The following CBR4 variants were observed in gnomAD, a reference collection of about 807,000 sequenced individuals.
CBR4 encodes the protein carbonyl reductase 4.
CBR4 carries 22 observed loss-of-function variants against 21.0 expected under a neutral mutation model. The ratio of observed to expected loss-of-function variants is 1.05; its 90% confidence interval spans 0.75 to 1.50. The LOEUF (loss-of-function observed/expected upper bound fraction) is 1.50, where lower values mean the gene tolerates loss of function less well. CBR4 is among the 40% of genes most tolerant of loss of function. The pLI is 0.00. For missense variants in CBR4, 302 were observed against 286.3 expected, an observed-to-expected ratio of 1.05 and a Z score of -0.40; for synonymous variants, 100 against 104.4, an observed-to-expected ratio of 0.96 and a Z score of 0.26.
chr4:168,987,367 C>G (rs187949577), downstream of CBR4, among the ~76,000 whole-genome samples: 2 of 152,314 alleles, frequency 1.3e-5, no homozygotes, highest in East Asian at 3.9e-4. Flanking sequence ...GAATATTTTA[C>G]TGCATATATC....
chr4:168,918,806 C>T (rs1170271428), intron 2 of CBR4, among the ~76,000 whole-genome samples: 1 of 152,006 alleles, frequency 6.6e-6, no homozygotes, highest in Non-Finnish European at 1.5e-5. Flanking sequence ...TTAAAAAACA[C>T]TTAAAAAAAT....
intron 2 of CBR4, among the ~76,000 whole-genome samples, chr4:168,971,783 C>G (rs867303049): frequency 6.6e-6 from 1 of 152,148 alleles, no homozygotes; most frequent in Non-Finnish European, 1.5e-5. Flanking sequence ...TGTGCAGAAG[C>G]TTTTTAGTTT....
chr4:168,958,429 T>G (rs1218806942), intron 2 of CBR4, among the ~76,000 whole-genome samples: 1 of 152,260 alleles, frequency 6.6e-6, no homozygotes, highest in African/African-American at 2.4e-5. Context: ...AATATTTTAT[T>G]GTATGGATAG....
rs761530979 is a variant in CBR4 at position 168,903,905 on chromosome 4, A to C, written n.170-9140T>G. ...TATACAATTATGGCTGCAAACCCTC[A>C]GGTAAAGAAGGGTATAGGTCTGGGC... On this transcript the variant is annotated intron_variant and non_coding_transcript_variant, in intron 2 of 3. Transcript: ENST00000509108. 1.2e-6 allele frequency: 2 copies of C among 1,613,738 alleles called. No homozygotes were observed. The highest frequency in any genetic ancestry group is 1.7e-6 in the Non-Finnish European group (2 of 1,179,646).
intron 2 of CBR4, among the ~76,000 whole-genome samples, chr4:168,901,483 TAACTC>T (rs1184181285): frequency 3.3e-5 from 5 of 152,278 alleles, no homozygotes; most frequent in Middle Eastern, 3.4e-3. Flanking sequence ...ATTAAAGAAA[TAACTC>T]AAGAACTGGC....
chr4:168,981,650 G>A (rs1489685965), intron 2 of CBR4, among the ~76,000 whole-genome samples: 2 of 152,040 alleles, frequency 1.3e-5, no homozygotes, highest in African/African-American at 2.4e-5. Flanking sequence ...TGACTCATTA[G>A]CATCCCTGAA....
At chr4:168,904,677 A>AG (rs1757246535) in intron 2 of CBR4, among the ~76,000 whole-genome samples, 1 of 152,202 alleles carries the variant, frequency 6.6e-6, no homozygotes, top group Non-Finnish European at 1.5e-5. Flanking sequence ...ACTTTTAAAA[A>AG]GAAAAAAAAA....
At chr4:169,008,961 A>G (rs1428387127) in intron 1 of CBR4, 1 of 455,560 alleles carries the variant, frequency 2.2e-6, no homozygotes, top group East Asian at 7.0e-5. Flanking sequence ...CCTGGCGTCT[A>G]TAGTCCCAGG....
At chr4:168,949,540 C>G (rs1763481806) in intron 2 of CBR4, among the ~76,000 whole-genome samples, 1 of 152,068 alleles carries the variant, frequency 6.6e-6, no homozygotes, top group South Asian at 2.1e-4. Context: ...GGTATTGTCC[C>G]TTGTATGCTG....
At chr4:168,925,530 T>C (rs1762408727) in intron 2 of CBR4, 1 of 493,610 alleles carries the variant, frequency 2.0e-6, no homozygotes, top group Non-Finnish European at 3.7e-6. Flanking sequence ...ATGCGTACTT[T>C]TGTGGCTTAG....
intron 2 of CBR4, among the ~76,000 whole-genome samples, chr4:168,935,990 C>T (rs112518216): frequency 1.3e-4 from 20 of 152,322 alleles, no homozygotes; most frequent in East Asian, 3.9e-4. Context: ...GACTGGGAGA[C>T]GCCTCCCAGC....
At chr4:168,968,246 T>C (rs1031569513) in intron 2 of CBR4, among the ~76,000 whole-genome samples, 2 of 152,250 alleles carry the variant, frequency 1.3e-5, no homozygotes, top group Admixed American at 6.5e-5. Flanking sequence ...ATGTAAATTA[T>C]GGTTTTACCA....
intron 2 of CBR4, chr4:168,915,867 A>C (rs1164244089): frequency 6.3e-7 from 1 of 1,590,342 alleles, no homozygotes; most frequent in Non-Finnish European, 8.6e-7. Flanking sequence ...CTATATTTCT[A>C]TCTATCTGTC....
chr4:169,007,601 T>G (rs1464639904), intron 2 of CBR4, 35 bp downstream of exon 2: 1 of 1,336,766 alleles, frequency 7.5e-7, no homozygotes. Flanking sequence ...GTTTTAAATA[T>G]ATATATAAGA....
At chr4:168,923,800 G>T (rs2126558018) in intron 2 of CBR4, among the ~76,000 whole-genome samples, 1 of 152,270 alleles carries the variant, frequency 6.6e-6, no homozygotes, top group Middle Eastern at 3.4e-3. Context: ...CAAATATTCA[G>T]AATATTCATG....
At chr4:168,895,052 A>G (rs1408095913) in intron 2 of CBR4, among the ~76,000 whole-genome samples, 1 of 152,186 alleles carries the variant, frequency 6.6e-6, no homozygotes, top group Non-Finnish European at 1.5e-5. Context: ...ACCTTGAACA[A>G]CACGGGAGTT....
chr4:168,979,326 G>C (rs1006811354), intron 2 of CBR4, among the ~76,000 whole-genome samples: 1 of 152,124 alleles, frequency 6.6e-6, no homozygotes, highest in Admixed American at 6.5e-5. Context: ...GCTTGGAATG[G>C]AAAGAAGAGC....
chr4:169,008,915 C>T (rs986011718), intron 1 of CBR4: 2 of 448,920 alleles, frequency 4.5e-6, no homozygotes, highest in Non-Finnish European at 8.9e-6. Flanking sequence ...GATACCAAAC[C>T]GATCAATAAT....
intron 4 of CBR4, among the ~76,000 whole-genome samples, chr4:168,991,214 T>C (rs1207272472): frequency 6.6e-6 from 1 of 152,104 alleles, no homozygotes; most frequent in Non-Finnish European, 1.5e-5. Flanking sequence ...GACACAAACA[T>C]GAATAAAACA....
Sources: allele counts gnomAD v4.1 joint callset (sites outside exome capture counted in the v4.1 genomes callset), GRCh38; gene constraint gnomAD v4.1.1; transcripts MANE v1.5; gene names NCBI Gene and HGNC (gene_info 2026-07-23, HGNC 2026-07-21).